The following MEGF11 variants were observed in gnomAD, a reference collection of about 807,000 sequenced individuals.
MEGF11 encodes the protein multiple EGF like domains 11.
Under a neutral mutation model 146.6 loss-of-function variants are expected in MEGF11, and 126 were observed. That is an observed-to-expected ratio of 0.86 (90% CI 0.74 to 1.00). The LOEUF (loss-of-function observed/expected upper bound fraction) is 1.00, where lower values mean the gene tolerates loss of function less well. MEGF11 is among the 50% of genes least tolerant of loss of function. The probability of loss-of-function intolerance (pLI) is 0.00; values close to 1 mark genes in which losing one functional copy is unlikely to be tolerated. For missense variants in MEGF11, 1,509 were observed against 1,521.2 expected, an observed-to-expected ratio of 0.99 and a Z score of 0.13; for synonymous variants, 532 against 583.4, an observed-to-expected ratio of 0.91 and a Z score of 1.27.
chr15:66,153,390 T>G (rs544661369), intron 1 of MEGF11, among the ~76,000 whole-genome samples: 2 of 152,176 alleles, frequency 1.3e-5, no homozygotes, highest in South Asian at 4.2e-4. Flanking sequence ...CTGGCCAACA[T>G]GGTGAAGTCT....
At chr15:66,098,352 TC>T (rs1202343022) in intron 4 of MEGF11, among the ~76,000 whole-genome samples, 2 of 152,164 alleles carry the variant, frequency 1.3e-5, no homozygotes, top group African/African-American at 2.4e-5. Context: ...GAATCAATTC[TC>T]CCTTCTATTG....
intron 1 of MEGF11, among the ~76,000 whole-genome samples, chr15:66,133,325 C>G (rs991618150): frequency 2.0e-5 from 3 of 152,214 alleles, no homozygotes; most frequent in African/African-American, 7.2e-5. Flanking sequence ...ACTGGGTGTT[C>G]CAGACGCCTC....
chr15:65,915,143 G>A (rs144438418), intron 19 of MEGF11, among the ~76,000 whole-genome samples: 1 of 152,306 alleles, frequency 6.6e-6, no homozygotes, highest in African/African-American at 2.4e-5. Flanking sequence ...CCTACCCAAG[G>A]ACACCTGGCG....
At chr15:66,034,712 G>A (rs1030536531) in intron 5 of MEGF11, among the ~76,000 whole-genome samples, 1 of 152,194 alleles carries the variant, frequency 6.6e-6, no homozygotes, top group Non-Finnish European at 1.5e-5. Context: ...GAGCCACTGT[G>A]TCTAGGCAAA....
intron 10 of MEGF11, among the ~76,000 whole-genome samples, chr15:65,955,793 T>TATAC (rs1555455862): frequency 7.4e-4 from 5 of 6,778 alleles, no homozygotes; most frequent in African/African-American, 1.6e-3. Flanking sequence ...TATATATATA[T>TATAC]ACACACACAC....
chr15:65,988,711 G>A lies in MEGF11; in HGVS notation c.395-6223C>T, dbSNP rs192698840. 1.2e-4 allele frequency among the ~76,000 whole-genome samples: 19 copies of A among 152,356 alleles called. No homozygotes were observed. In the East Asian group the frequency reaches 2.1e-3, roughly 17 times the overall value. On this transcript the variant is annotated intron_variant, in intron 5 of 25. Coordinates refer to ENST00000395614, the MANE Select transcript of MEGF11 (RefSeq NM_001385028.1). Reference sequence around the variant, plus strand: ...CCATTACTTTTCTGCCTTCACTACTGTATAGGAAGGTTTAGGTGCCTGTGC... The same window carrying A: ...CCATTACTTTTCTGCCTTCACTACTATATAGGAAGGTTTAGGTGCCTGTGC...
chr15:66,234,028 C>T (rs555128234), intron 1 of MEGF11, among the ~76,000 whole-genome samples: 3 of 150,718 alleles, frequency 2.0e-5, no homozygotes, highest in South Asian at 4.2e-4. Flanking sequence ...CTCCACCTCC[C>T]GGGTTCAAGC....
At chr15:66,146,959 TC>T (rs1342683867) in intron 1 of MEGF11, among the ~76,000 whole-genome samples, 1 of 152,226 alleles carries the variant, frequency 6.6e-6, no homozygotes, top group Non-Finnish European at 1.5e-5. Context: ...CCCCACTTGC[TC>T]ACTCAGTACC....
intron 1 of MEGF11, among the ~76,000 whole-genome samples, chr15:66,179,795 A>C (rs2090493222): frequency 6.6e-6 from 1 of 151,932 alleles, no homozygotes; most frequent in Non-Finnish European, 1.5e-5. Flanking sequence ...TTATCTCTGC[A>C]AGCCTGCCCC....
chr15:66,099,247 A>G lies in MEGF11; in HGVS notation c.302-4753T>C, dbSNP rs554191026. Among the ~76,000 whole-genome samples the G allele has an allele frequency of 1.2e-4, 15 of 129,362 alleles. No homozygotes were observed. In the South Asian group the frequency reaches 3.5e-3, roughly 30 times the overall value. 84.9% of individuals were successfully genotyped at this position (129,362 alleles called of 152,430 possible). A position where few individuals can be genotyped will look rare whatever the true frequency, so the allele number is the denominator to read the frequency against. ...TGATATGGAGTCTTGCTCTGGTGCA[A>G]TCTCGGCTCACTGCAACCTCTGCCT... On this transcript the variant is annotated intron_variant, in intron 4 of 25. Transcript: ENST00000395614.
intron 13 of MEGF11, 112 bp downstream of exon 13, chr15:65,928,313 A>G (rs2079446625): frequency 8.3e-6 from 5 of 605,172 alleles, no homozygotes; most frequent in Non-Finnish European, 1.5e-5. Context: ...GGAAAGATGC[A>G]TACTCAGGGA....
chr15:66,189,463 G>A (rs2090811720), intron 1 of MEGF11, among the ~76,000 whole-genome samples: 1 of 152,186 alleles, frequency 6.6e-6, no homozygotes, highest in Non-Finnish European at 1.5e-5. Context: ...CGCACATGGG[G>A]AAGCTGAGGT....
chr15:66,014,838 C>A (rs1479568212), intron 5 of MEGF11, among the ~76,000 whole-genome samples: 1 of 152,172 alleles, frequency 6.6e-6, no homozygotes, highest in South Asian at 2.1e-4. Context: ...GGTCAGACAG[C>A]CCTCCCCAGA....
At chr15:66,197,297 C>T (rs914159559) in intron 1 of MEGF11, among the ~76,000 whole-genome samples, 10 of 152,044 alleles carry the variant, frequency 6.6e-5, no homozygotes, top group South Asian at 2.1e-4. Flanking sequence ...GAGTCTGATG[C>T]GATAATCCCA....
chr15:65,940,222 C>G (rs1000526577), intron 10 of MEGF11, among the ~76,000 whole-genome samples: 1 of 152,210 alleles, frequency 6.6e-6, no homozygotes, highest in Non-Finnish European at 1.5e-5. Flanking sequence ...TCCTGGAGTT[C>G]CGGAGCTACT....
Position 66,241,512 on chromosome 15 carries a change from C to T in MEGF11, c.-9+12093G>A, listed in dbSNP as rs374918245. 1.1e-4 allele frequency among the ~76,000 whole-genome samples: 16 copies of T among 152,326 alleles called. No homozygotes were observed. In the South Asian group the frequency reaches 2.3e-3, roughly 22 times the overall value. On this transcript the variant is annotated intron_variant, in intron 1 of 25. Coordinates refer to ENST00000395614, the MANE Select transcript of MEGF11 (RefSeq NM_001385028.1). ...AAATGGACCAGGGGCCCTGCCACCTCGGAAGCATTCTTAGGCCCCATGTGC... is the reference window on the plus strand; with the variant it reads ...AAATGGACCAGGGGCCCTGCCACCTTGGAAGCATTCTTAGGCCCCATGTGC...
chr15:65,943,163 A>T (rs1264302040), intron 10 of MEGF11, among the ~76,000 whole-genome samples: 2 of 151,890 alleles, frequency 1.3e-5, no homozygotes. Flanking sequence ...CTAAAAGTAG[A>T]GACGGGGTTT....
intron 1 of MEGF11, among the ~76,000 whole-genome samples, chr15:66,165,916 T>A (rs1450191141): frequency 2.6e-5 from 4 of 152,050 alleles, no homozygotes; most frequent in African/African-American, 7.3e-5. Context: ...GCAAAACTGC[T>A]CCAGGTGCCA....
chr15:66,073,720 C>T (rs1333984905), intron 5 of MEGF11, among the ~76,000 whole-genome samples: 2 of 152,194 alleles, frequency 1.3e-5, no homozygotes, highest in South Asian at 2.1e-4. Context: ...GGGTGGGCAG[C>T]CTATTCCCTT....
Sources: allele counts gnomAD v4.1 joint callset (sites outside exome capture counted in the v4.1 genomes callset), GRCh38; gene constraint gnomAD v4.1.1; transcripts MANE v1.5; gene names NCBI Gene and HGNC (gene_info 2026-07-23, HGNC 2026-07-21).